The following PCSK5 variants were observed in gnomAD, a reference collection of about 807,000 sequenced individuals.
PCSK5 encodes proprotein convertase subtilisin/kexin type 5.
Under a neutral mutation model 233.2 loss-of-function variants are expected in PCSK5, and 129 were observed. That is an observed-to-expected ratio of 0.55 (90% CI 0.48 to 0.64). PCSK5 has a LOEUF of 0.64. Among genes scored for constraint, PCSK5 ranks in the 30% least tolerant of loss-of-function variants. PCSK5 has a pLI of 0.00. For synonymous variants in PCSK5, 825 were observed against 879.2 expected, an observed-to-expected ratio of 0.94 and a Z score of 1.09; for missense variants, 2,076 against 2,430.1, an observed-to-expected ratio of 0.85 and a Z score of 3.06.
intron 16 of PCSK5, among the ~76,000 whole-genome samples, chr9:76,182,147 T>C (rs181056963): frequency 6.6e-6 from 1 of 152,250 alleles, no homozygotes; most frequent in East Asian, 1.9e-4. Context: ...CTTTTCAGGG[T>C]AGTGGGAACC....
At chr9:75,891,998 C>T (rs1355490168) in intron 1 of PCSK5, among the ~76,000 whole-genome samples, 2 of 152,104 alleles carry the variant, frequency 1.3e-5, no homozygotes. Flanking sequence ...TAGGCTTTCT[C>T]GCCTTAAGCG....
In PCSK5 at chr9:76,134,313, A is replaced by G. The variant is rs548327591; in HGVS notation, c.1312+101A>G. 9.2e-6 allele frequency: 6 copies of G among 654,420 alleles called. No homozygotes were observed. The African/African-American group carries it at 1.1e-4, about 12-fold the overall frequency. 40.5% of individuals were successfully genotyped at this position (654,420 alleles called of 1,614,324 possible). A position where few individuals can be genotyped will look rare whatever the true frequency, so the allele number is the denominator to read the frequency against. ...CAGAACCCCTCAAACGAAACTTTAA[A>G]CTTTGTGCTGACAAACAAAGAGCTT... On this transcript the variant is annotated intron_variant, in intron 10 of 37. Coordinates refer to ENST00000674117, the MANE Select transcript of PCSK5 (RefSeq NM_001372043.1).
chr9:76,241,830 A>G (rs1452376144), intron 24 of PCSK5, among the ~76,000 whole-genome samples: 2 of 152,236 alleles, frequency 1.3e-5, no homozygotes, highest in Non-Finnish European at 2.9e-5. Context: ...TGGAACTTCC[A>G]TGAAGCCCTG....
chr9:76,324,838 C>T (rs1829313796), intron 32 of PCSK5, among the ~76,000 whole-genome samples: 1 of 152,048 alleles, frequency 6.6e-6, no homozygotes, highest in Non-Finnish European at 1.5e-5. Context: ...GTCCTTCACC[C>T]CCACATGTCG....
chr9:76,159,183 G>T lies in PCSK5; in HGVS notation c.1619+12G>T. ...CTTTTGGCCAACAGGTACAGCAGTGGTCTCTGCCCACCAGTGTAGTAGTCA... is the reference window on the plus strand; with the variant it reads ...CTTTTGGCCAACAGGTACAGCAGTGTTCTCTGCCCACCAGTGTAGTAGTCA... On this transcript the variant is annotated intron_variant, in intron 12 of 37. Transcript: ENST00000674117. 1 of 1,613,056 alleles carries T rather than the reference G, an allele frequency of 6.2e-7. No individual in the cohort carries two copies. The highest frequency in any genetic ancestry group is 1.1e-5 in the South Asian group (1 of 90,972).
At chr9:76,336,225 C>T (rs1001302681) in intron 34 of PCSK5, among the ~76,000 whole-genome samples, 6 of 152,182 alleles carry the variant, frequency 3.9e-5, no homozygotes, top group African/African-American at 1.2e-4. Context: ...TCACTCAGAT[C>T]AGTGACAGGT....
chr9:75,914,591 C>T (rs1002580789), intron 1 of PCSK5, among the ~76,000 whole-genome samples: 3 of 152,066 alleles, frequency 2.0e-5, no homozygotes, highest in Admixed American at 1.3e-4. Flanking sequence ...AGTCCCCTTT[C>T]AGTAGGGCAA....
At chr9:75,891,719 G>A (rs1287126863) in intron 1 of PCSK5, among the ~76,000 whole-genome samples, 1 of 151,874 alleles carries the variant, frequency 6.6e-6, no homozygotes, top group East Asian at 1.9e-4. Context: ...GTAATCTGAG[G>A]CAGTCTCAGA....
At chr9:76,055,907 G>A (rs1457195161) in intron 5 of PCSK5, among the ~76,000 whole-genome samples, 1 of 152,098 alleles carries the variant, frequency 6.6e-6, no homozygotes, top group African/African-American at 2.4e-5. Context: ...AGCAGAAGGT[G>A]GTAATATGAT....
chr9:75,949,215 A>G (rs1225365212), intron 2 of PCSK5, among the ~76,000 whole-genome samples: 2 of 151,618 alleles, frequency 1.3e-5, no homozygotes, highest in African/African-American at 4.9e-5. Flanking sequence ...CTTTGTTATT[A>G]TTTGGTAACC....
chr9:76,168,287 A>G (rs1420849788), intron 12 of PCSK5, among the ~76,000 whole-genome samples: 1 of 152,038 alleles, frequency 6.6e-6, no homozygotes, highest in Admixed American at 6.6e-5. Context: ...GAGTAGTGGG[A>G]CTACAGGTAC....
intron 20 of PCSK5, among the ~76,000 whole-genome samples, chr9:76,210,933 T>C (rs1434135312): frequency 6.6e-6 from 1 of 152,172 alleles, no homozygotes; most frequent in Non-Finnish European, 1.5e-5. Context: ...GATGACTCCC[T>C]GGCGCAGGCT....
chr9:76,193,187 T>C (rs1237821181), intron 20 of PCSK5: 1 of 1,562,732 alleles, frequency 6.4e-7, no homozygotes, highest in Non-Finnish European at 8.8e-7. Context: ...GTGTACATCA[T>C]GCTGCTCTCG....
chr9:76,120,042 C>G (rs1182977011), intron 9 of PCSK5, among the ~76,000 whole-genome samples: 6 of 151,968 alleles, frequency 3.9e-5, no homozygotes, highest in Non-Finnish European at 7.4e-5. Flanking sequence ...AAATCAGTGA[C>G]AATATGCGAT....
intron 2 of PCSK5, among the ~76,000 whole-genome samples, chr9:75,947,937 GCT>G (rs1381717167): frequency 1.3e-5 from 2 of 152,054 alleles, no homozygotes; most frequent in African/African-American, 4.8e-5. Context: ...AAACTCCTGG[GCT>G]CAAGTGATCT....
At chr9:76,078,973 ATTTG>A (rs903766388) in intron 7 of PCSK5, among the ~76,000 whole-genome samples, 99 of 151,828 alleles carry the variant, frequency 6.5e-4, no homozygotes, top group Middle Eastern at 3.4e-3. Flanking sequence ...TGTTTTTTCT[ATTTG>A]TTTGTGTCAT....
intron 7 of PCSK5, among the ~76,000 whole-genome samples, chr9:76,092,707 G>C (rs1292936466): frequency 6.6e-6 from 1 of 152,212 alleles, no homozygotes; most frequent in Non-Finnish European, 1.5e-5. Context: ...GTAAAATGAT[G>C]ATAATATAAA....
intron 8 of PCSK5, among the ~76,000 whole-genome samples, chr9:76,097,396 A>T (rs907046019): frequency 6.9e-6 from 1 of 144,106 alleles, no homozygotes; most frequent in Non-Finnish European, 1.5e-5. Context: ...AGTAGCTGGG[A>T]CTACAGGCGC....
chr9:75,900,084 C>A (rs938361141), intron 1 of PCSK5, among the ~76,000 whole-genome samples: 3 of 152,190 alleles, frequency 2.0e-5, no homozygotes, highest in Non-Finnish European at 4.4e-5. Flanking sequence ...CATTGGACAT[C>A]TGCTTCTATC....
Sources: gnomAD v4.1 joint callset for allele counts (sites outside exome capture counted in the v4.1 genomes callset) on GRCh38, gnomAD v4.1.1 for gene constraint, MANE v1.5 for transcripts, NCBI Gene and HGNC (gene_info 2026-07-23, HGNC 2026-07-21) for gene names.